Variants in PTPRD observed in about 807,000 individuals in gnomAD.
PTPRD encodes protein tyrosine phosphatase receptor type D, also known as receptor-type tyrosine-protein phosphatase delta.
Under a neutral mutation model 214.5 loss-of-function variants are expected in PTPRD, and 34 were observed. The ratio of observed to expected loss-of-function variants is 0.16; its 90% CI spans 0.12 to 0.21. The LOEUF is 0.21. Among genes scored for constraint, PTPRD ranks in the 10% least tolerant of loss-of-function variants. The pLI, the probability that PTPRD is intolerant of heterozygous loss-of-function variation, is 1.00. For missense variants in PTPRD, 2,545 were observed against 2,398.7 expected, an observed-to-expected ratio of 1.06 and a Z score of -1.27; for synonymous variants, 1,128 against 845.7, an observed-to-expected ratio of 1.33 and a Z score of -5.79.
At chr9:8,953,791 C>T (rs2099116482) in intron 11 of PTPRD, among the ~76,000 whole-genome samples, 1 of 151,968 alleles carries the variant, frequency 6.6e-6, no homozygotes, top group South Asian at 2.1e-4. Flanking sequence ...ATCAAAACCA[C>T]AATGATATGC....
intron 39 of PTPRD, among the ~76,000 whole-genome samples, chr9:8,360,062 A>G (rs538248402): frequency 4.6e-5 from 7 of 152,360 alleles, no homozygotes; most frequent in African/African-American, 1.7e-4. Flanking sequence ...AAAAATAATC[A>G]GTCATTTCAT....
At chr9:8,444,737 C>G (rs1268245149) in intron 34 of PTPRD, among the ~76,000 whole-genome samples, 1 of 152,018 alleles carries the variant, frequency 6.6e-6, no homozygotes, top group African/African-American at 2.4e-5. Flanking sequence ...CAAAATTTCC[C>G]CAATAAACAT....
intron 8 of PTPRD, among the ~76,000 whole-genome samples, chr9:9,492,434 T>C (rs1035606114): frequency 6.6e-6 from 1 of 151,868 alleles, no homozygotes; most frequent in Non-Finnish European, 1.5e-5. Context: ...TCCAGCAGCA[T>C]GTTAACAGGA....
At chr9:9,861,377 G>A (rs1409021072) in intron 5 of PTPRD, among the ~76,000 whole-genome samples, 6 of 151,916 alleles carry the variant, frequency 3.9e-5, no homozygotes, top group Non-Finnish European at 7.4e-5. Flanking sequence ...TGCAACCTCC[G>A]CCTCCCAGGT....
intron 9 of PTPRD, among the ~76,000 whole-genome samples, chr9:9,287,587 G>T (rs191264748): frequency 2.0e-5 from 3 of 151,948 alleles, no homozygotes. Flanking sequence ...TTAAATCTGT[G>T]AGTCTAAATG....
chr9:10,405,352 T>C (rs142783960), intron 2 of PTPRD, among the ~76,000 whole-genome samples: 189 of 151,778 alleles, frequency 1.2e-3, no homozygotes, highest in African/African-American at 4.3e-3. Flanking sequence ...TGACATGGAA[T>C]TTTTACTTAT....
chr9:9,361,455 T>C (rs1411293002), intron 9 of PTPRD, among the ~76,000 whole-genome samples: 1 of 151,144 alleles, frequency 6.6e-6, no homozygotes, highest in African/African-American at 2.4e-5. Flanking sequence ...TATACCTGAT[T>C]ACCTTGTTCA....
chr9:8,524,567 G>T (rs1326462919), intron 18 of PTPRD, among the ~76,000 whole-genome samples: 1 of 151,864 alleles, frequency 6.6e-6, no homozygotes, highest in African/African-American at 2.4e-5. Context: ...ATTATTTCAG[G>T]GGTTTAATAA....
At chr9:9,658,746 G>A (rs918252111) in intron 7 of PTPRD, among the ~76,000 whole-genome samples, 5 of 152,110 alleles carry the variant, frequency 3.3e-5, no homozygotes, top group Non-Finnish European at 7.4e-5. Context: ...AATACGGCCG[G>A]CACTGCTGGG....
intron 2 of PTPRD, among the ~76,000 whole-genome samples, chr9:10,426,406 A>C (rs1466776585): frequency 6.6e-6 from 1 of 151,940 alleles, no homozygotes; most frequent in African/African-American, 2.4e-5. Flanking sequence ...AAATTTTCGA[A>C]GGACTTGTAT....
At chr9:10,203,152 G>A (rs1196654983) in intron 3 of PTPRD, among the ~76,000 whole-genome samples, 2 of 148,682 alleles carry the variant, frequency 1.3e-5, no homozygotes, top group African/African-American at 5.0e-5. Context: ...CCTGTTTACT[G>A]TCTTCTCCCT....
intron 8 of PTPRD, among the ~76,000 whole-genome samples, chr9:9,433,385 C>A (rs1352208806): frequency 6.6e-6 from 1 of 152,058 alleles, no homozygotes; most frequent in African/African-American, 2.4e-5. Flanking sequence ...TTGCAGAAAC[C>A]ATTTTTCAGG....
chr9:9,678,141 G>T (rs993705395), intron 7 of PTPRD, among the ~76,000 whole-genome samples: 4 of 152,004 alleles, frequency 2.6e-5, no homozygotes, highest in African/African-American at 9.7e-5. Context: ...TGGCCATACT[G>T]CCCAAGGTAA....
At chr9:10,426,269 T>C (rs1587949782) in intron 2 of PTPRD, among the ~76,000 whole-genome samples, 3 of 152,046 alleles carry the variant, frequency 2.0e-5, no homozygotes, top group Admixed American at 2.0e-4. Context: ...AAGTTTAAGT[T>C]AATCAATTCT....
At chr9:10,437,431 T>G (rs1334808893) in intron 2 of PTPRD, among the ~76,000 whole-genome samples, 3 of 151,814 alleles carry the variant, frequency 2.0e-5, no homozygotes, top group African/African-American at 7.2e-5. Flanking sequence ...TATTTCCAAT[T>G]TGACTTTCAG....
chr9:8,408,958 A>G (rs373839390), intron 35 of PTPRD, among the ~76,000 whole-genome samples: 3 of 152,280 alleles, frequency 2.0e-5, no homozygotes, highest in African/African-American at 7.2e-5. Flanking sequence ...TTAGTCTTTA[A>G]CTTGATGGTC....
chr9:8,359,455 G>C (rs1341024902), intron 39 of PTPRD, among the ~76,000 whole-genome samples: 1 of 151,954 alleles, frequency 6.6e-6, no homozygotes, highest in Non-Finnish European at 1.5e-5. Context: ...CTCCCGAGTA[G>C]CTGGAATTAC....
intron 8 of PTPRD, among the ~76,000 whole-genome samples, chr9:9,512,700 C>T (rs946791859): frequency 2.0e-5 from 3 of 151,262 alleles, no homozygotes; most frequent in African/African-American, 7.3e-5. Flanking sequence ...TCTTTTGTTC[C>T]TCTAACCCTG....
intron 3 of PTPRD, among the ~76,000 whole-genome samples, chr9:10,084,428 G>A (rs1232248235): frequency 6.6e-6 from 1 of 151,866 alleles, no homozygotes; most frequent in African/African-American, 2.4e-5. Flanking sequence ...TGAATAAAAT[G>A]ATAGAAGGGA....
Sources: allele counts gnomAD v4.1 joint callset (sites outside exome capture counted in the v4.1 genomes callset), GRCh38; gene constraint gnomAD v4.1.1; transcripts MANE v1.5; gene names NCBI Gene and HGNC (gene_info 2026-07-23, HGNC 2026-07-21).